Variants in PDE4D observed in about 807,000 individuals in gnomAD.
The protein encoded by PDE4D is 3',5'-cyclic-AMP phosphodiesterase 4D.
PDE4D carries 24 observed loss-of-function variants against 87.4 expected under a neutral mutation model. The observed-to-expected ratio is 0.27, with a 90% confidence interval of 0.20 to 0.39. The LOEUF (loss-of-function observed/expected upper bound fraction) is 0.39, where lower values mean the gene tolerates loss of function less well. PDE4D is among the 10% of genes least tolerant of loss of function. The pLI is 1.00. For synonymous variants in PDE4D, 384 were observed against 383.2 expected (o/e 1.00, Z -0.02); for missense variants, 714 against 1,041.0 (o/e 0.69, Z 4.32).
intron 1 of PDE4D, among the ~76,000 whole-genome samples, chr5:60,280,331 T>TATAC (rs1751779189): frequency 6.9e-6 from 1 of 145,554 alleles, no homozygotes; most frequent in Non-Finnish European, 1.5e-5. Context: ...TATATAAATA[T>TATAC]ATATACACAC....
chr5:59,139,953 G>T (rs1777652574), intron 5 of PDE4D, among the ~76,000 whole-genome samples: 1 of 152,182 alleles, frequency 6.6e-6, no homozygotes, highest in Non-Finnish European at 1.5e-5. Context: ...CATAGGCCTT[G>T]ATGTTGTCAT....
At chr5:60,441,129 C>T (rs1207564324) in intron 1 of PDE4D, among the ~76,000 whole-genome samples, 4 of 152,172 alleles carry the variant, frequency 2.6e-5, no homozygotes, top group Non-Finnish European at 5.9e-5. Flanking sequence ...CCTGTATAGC[C>T]AAGACAATCC....
At chr5:60,040,808 G>A (rs1245407822) in intron 2 of PDE4D, among the ~76,000 whole-genome samples, 1 of 152,050 alleles carries the variant, frequency 6.6e-6, no homozygotes, top group Non-Finnish European at 1.5e-5. Flanking sequence ...TACCCTAAAT[G>A]TTAATTCTTG....
At chr5:59,361,776 C>T (rs1453713543) in intron 1 of PDE4D, among the ~76,000 whole-genome samples, 1 of 152,124 alleles carries the variant, frequency 6.6e-6, no homozygotes, top group Non-Finnish European at 1.5e-5. Flanking sequence ...ATAAAAACCA[C>T]AATTATGTTT....
rs184786640 is a variant in PDE4D at position 59,122,775 on chromosome 5, C to T, written c.808+57820G>A. On this transcript the variant is annotated intron_variant, in intron 5 of 14. Coordinates refer to ENST00000340635, the MANE Select transcript of PDE4D (RefSeq NM_001104631.2). ...ATTTACAATGTTGTGCAACCACCAC[C>T]TCTATCTAGTTCCAAACATTTTCAA... is the stretch of plus-strand genomic sequence containing the variant. Among the ~76,000 whole-genome samples the T allele has an allele frequency of 5.4e-3, 826 of 152,302 alleles. 2 individuals carry two copies. The highest frequency in any genetic ancestry group is 0.019 in the African/African-American group (774 of 41,558).
At chr5:60,429,852 T>A in intron 1 of PDE4D, 1 of 342,838 alleles carries the variant, frequency 2.9e-6, no homozygotes, top group Non-Finnish European at 5.7e-6. Flanking sequence ...TTTTTTGTTT[T>A]TTTTTTTAAA....
intron 1 of PDE4D, among the ~76,000 whole-genome samples, chr5:60,385,742 T>C (rs1433225563): frequency 1.3e-5 from 2 of 152,214 alleles, no homozygotes; most frequent in Non-Finnish European, 2.9e-5. Flanking sequence ...CCACCTCTGT[T>C]TTGTACTTAC....
At chr5:60,118,519 C>A (rs970913486) in intron 2 of PDE4D, among the ~76,000 whole-genome samples, 1 of 151,312 alleles carries the variant, frequency 6.6e-6, no homozygotes, top group African/African-American at 2.4e-5. Flanking sequence ...AGTTTTTGAC[C>A]TCTGCATGGA....
chr5:59,860,428 G>GT (rs1416752395), intron 1 of PDE4D, among the ~76,000 whole-genome samples: 2 of 151,702 alleles, frequency 1.3e-5, no homozygotes, highest in Non-Finnish European at 2.9e-5. Context: ...CCCACTAAGT[G>GT]ATTTTTTTCT....
At chr5:59,308,613 C>T (rs749560255) in intron 1 of PDE4D, among the ~76,000 whole-genome samples, 5 of 151,640 alleles carry the variant, frequency 3.3e-5, no homozygotes, top group Non-Finnish European at 7.4e-5. Flanking sequence ...GTTAATCTCA[C>T]AGATTTTCCT....
upstream of PDE4D, among the ~76,000 whole-genome samples, chr5:60,489,321 T>C (rs536657088): frequency 6.6e-6 from 1 of 152,346 alleles, no homozygotes; most frequent in Non-Finnish European, 1.5e-5. Flanking sequence ...ATAGTGACGA[T>C]AGAATATACA....
chr5:60,206,249 G>C (rs72753299), intron 1 of PDE4D, among the ~76,000 whole-genome samples: 16,781 of 152,170 alleles, frequency 0.11, 1,260 homozygotes, highest in Non-Finnish European at 0.15. Flanking sequence ...GCTTAACACT[G>C]TCTCAGAAAT....
chr5:59,908,889 C>T lies in PDE4D; in HGVS notation c.272+79599G>A, dbSNP rs150741008. ...ACTTGGAAATAACACAAAGTGGTAGCTTAATTTTTTATGAATTTCTTTCCT... is the reference window on the plus strand; with the variant it reads ...ACTTGGAAATAACACAAAGTGGTAGTTTAATTTTTTATGAATTTCTTTCCT... On this transcript the variant is annotated intron_variant, in intron 3 of 16. Coordinates refer to the PDE4D transcript ENST00000502484. Among the ~76,000 whole-genome samples, 1,002 of 152,206 alleles carry T rather than the reference C, an allele frequency of 6.6e-3. 7 individuals are homozygous for T. Among genetic ancestry groups the T allele is most frequent in the Non-Finnish European group, 0.011 (714 of 67,996 alleles).
chr5:59,907,899 T>C (rs1001796037), intron 3 of PDE4D, among the ~76,000 whole-genome samples: 28 of 151,936 alleles, frequency 1.8e-4, no homozygotes, highest in African/African-American at 5.6e-4. Context: ...CTTCTTTTGC[T>C]TGTCCTCTTA....
At chr5:60,409,807 T>G (rs16878027) in intron 1 of PDE4D, among the ~76,000 whole-genome samples, 2,012 of 152,296 alleles carry the variant, frequency 0.013, 50 homozygotes, top group East Asian at 0.087. Context: ...AGTTCTTCCA[T>G]GGTGAAATGA....
At chr5:59,305,523 G>A (rs1771157040) in intron 1 of PDE4D, among the ~76,000 whole-genome samples, 1 of 151,856 alleles carries the variant, frequency 6.6e-6, no homozygotes, top group African/African-American at 2.4e-5. Flanking sequence ...CAGTCTTTTT[G>A]ATGTAGGCAT....
chr5:60,306,000 T>C (rs955126484), intron 1 of PDE4D, among the ~76,000 whole-genome samples: 5 of 152,096 alleles, frequency 3.3e-5, no homozygotes, highest in Admixed American at 2.0e-4. Flanking sequence ...ATTTAAAAGT[T>C]TGGATTCTTC....
intron 2 of PDE4D, among the ~76,000 whole-genome samples, chr5:60,065,190 C>G (rs956949373): frequency 1.1e-4 from 17 of 151,890 alleles, no homozygotes; most frequent in African/African-American, 4.1e-4. Flanking sequence ...ATTAAGAAAT[C>G]GGATATGCAA....
In PDE4D at chr5:59,145,397, C is replaced by A. The variant is rs1778487798; in HGVS notation, c.808+35198G>T. 8.5e-5 allele frequency among the ~76,000 whole-genome samples: 13 copies of A among 152,222 alleles called. No homozygotes were observed. In the South Asian group the frequency reaches 2.7e-3, roughly 32 times the overall value. On this transcript the variant is annotated intron_variant, in intron 5 of 14. Coordinates refer to ENST00000340635, the MANE Select transcript of PDE4D (RefSeq NM_001104631.2). ...GCATACAGAGAGAAGGGGACAGGTTCTTTTCACTTTTGATGTACAGAGGTT... is the reference window on the plus strand; with the variant it reads ...GCATACAGAGAGAAGGGGACAGGTTATTTTCACTTTTGATGTACAGAGGTT...
Sources: allele counts gnomAD v4.1 joint callset (sites outside exome capture counted in the v4.1 genomes callset), GRCh38; gene constraint gnomAD v4.1.1; transcripts MANE v1.5; gene names NCBI Gene and HGNC (gene_info 2026-07-23, HGNC 2026-07-21).